The following EDDM13 variants were observed in gnomAD, a reference collection of about 807,000 sequenced individuals.
The protein encoded by EDDM13 is epididymal protein 13.
Under a neutral mutation model 17.8 loss-of-function variants are expected in EDDM13, and 24 were observed. The ratio of observed to expected loss-of-function variants is 1.35; its 90% CI spans 0.98 to 1.90. The LOEUF is 1.90. Among genes scored for constraint, EDDM13 ranks in the 40% most tolerant of loss-of-function variants. The pLI, the probability that EDDM13 is intolerant of heterozygous loss-of-function variation, is 0.00. For synonymous variants in EDDM13, 31 were observed against 37.5 expected (o/e 0.83, Z 0.63); for missense variants, 97 against 100.8 (o/e 0.96, Z 0.16).
chr19:56,273,797 A>G (rs1351365673), intron 1 of EDDM13, among the ~76,000 whole-genome samples: 1 of 152,112 alleles, frequency 6.6e-6, no homozygotes, highest in Non-Finnish European at 1.5e-5. Context: ...AAAATGTTGG[A>G]TGTTATCCTC....
chr19:56,309,544 T>A (rs1020546228), intron 14 of EDDM13, among the ~76,000 whole-genome samples: 1 of 152,230 alleles, frequency 6.6e-6, no homozygotes, highest in African/African-American at 2.4e-5. Flanking sequence ...GGAACACAGT[T>A]TGAGGGCCCC....
intron 13 of EDDM13, 72 bp from the exon 14 acceptor site, chr19:56,304,721 G>A: frequency 2.2e-6 from 2 of 902,244 alleles, no homozygotes; most frequent in Non-Finnish European, 2.7e-6. Context: ...AGAAAGGGAG[G>A]TAAGGAAGGA....
chr19:56,302,079 A>C lies in EDDM13; in HGVS notation c.407A>C (p.Tyr136Ser). Residue 136 changes from tyrosine (Y) to serine (S), a missense_variant, in exon 13 of 15, where the codon TAC becomes TCC. Transcript: ENST00000649256. ...GTGATGACCTACCTCTTCGTATCCT[A>C]CAACAAAGGGGACTGGGTAAGAAGA... ...YMVMTYLFVS[Y>S]NKGDWCYCHY... 8.1e-7 allele frequency: 1 copy of C among 1,231,822 alleles called. No individual in the cohort carries two copies. The highest frequency in any genetic ancestry group is 4.2e-5 in the Admixed American group (1 of 23,708). 76.3% of individuals were successfully genotyped at this position (1,231,822 alleles called of 1,614,324 possible). A position where few individuals can be genotyped will look rare whatever the true frequency, so the allele number is the denominator to read the frequency against.
chr19:56,284,080 A>C, intron 4 of EDDM13, 118 bp from the exon 5 acceptor site: 1 of 689,906 alleles, frequency 1.4e-6, no homozygotes, highest in South Asian at 6.5e-5. Context: ...CCAGCATCTG[A>C]CCTCGTTTTT....
intron 2 of EDDM13, among the ~76,000 whole-genome samples, chr19:56,278,206 C>A (rs1023077798): frequency 1.3e-5 from 2 of 151,998 alleles, no homozygotes; most frequent in Non-Finnish European, 2.9e-5. Flanking sequence ...GCCATGACAT[C>A]TGCCTCCTGG....
At chr19:56,278,359 C>T (rs2038424843) in intron 2 of EDDM13, among the ~76,000 whole-genome samples, 1 of 152,174 alleles carries the variant, frequency 6.6e-6, no homozygotes, top group African/African-American at 2.4e-5. Context: ...GTTTTGAACT[C>T]CTGACCTCAA....
In EDDM13 at chr19:56,282,482, T is replaced by C; in HGVS notation, c.110-9T>C. The C allele has an allele frequency of 6.1e-6, 6 of 985,408 alleles. No homozygotes were observed. Among genetic ancestry groups the C allele is most frequent in the Non-Finnish European group, 7.2e-6 (6 of 829,918 alleles). 61.0% of individuals were successfully genotyped at this position (985,408 alleles called of 1,614,324 possible). A position where few individuals can be genotyped will look rare whatever the true frequency, so the allele number is the denominator to read the frequency against. ...GGTCCTGTCCTTCCTGCTGCTTGTCTGCCAACAGTGCTGAAAGGTAAGCTT... is the reference window on the plus strand; with the variant it reads ...GGTCCTGTCCTTCCTGCTGCTTGTCCGCCAACAGTGCTGAAAGGTAAGCTT... On this transcript the variant is annotated splice_polypyrimidine_tract_variant and intron_variant, in intron 3 of 14. Transcript: ENST00000649256.
chr19:56,289,207 T>C lies in EDDM13; in HGVS notation c.226+316T>C, dbSNP rs138339719. On this transcript the variant is annotated intron_variant, in intron 8 of 14. Transcript: ENST00000649256. The stretch of plus-strand genomic sequence containing the variant: ...GGATGCTAAGGGTCTGAGAGCTGCA[T>C]TGGACAATTCCTAAATTTTAGTAAT... 1.5e-4 allele frequency among the ~76,000 whole-genome samples: 23 copies of C among 152,336 alleles called. No homozygotes were observed. In the Middle Eastern group the frequency reaches 0.017, roughly 113 times the overall value.
chr19:56,300,325 T>C (rs1398773214), intron 12 of EDDM13, among the ~76,000 whole-genome samples: 1 of 152,212 alleles, frequency 6.6e-6, no homozygotes, highest in Non-Finnish European at 1.5e-5. Context: ...GTTAAAGAAC[T>C]TGACAGCTCT....
intron 14 of EDDM13, among the ~76,000 whole-genome samples, chr19:56,309,202 A>G (rs2040880736): frequency 6.6e-6 from 1 of 152,236 alleles, no homozygotes; most frequent in Non-Finnish European, 1.5e-5. Context: ...CAGACACAAA[A>G]GATCACACAG....
chr19:56,303,929 C>T (rs1362263272), intron 13 of EDDM13, among the ~76,000 whole-genome samples: 1 of 152,176 alleles, frequency 6.6e-6, no homozygotes, highest in Non-Finnish European at 1.5e-5. Flanking sequence ...CAGGAACACA[C>T]TGAGTACCTT....
intron 9 of EDDM13, among the ~76,000 whole-genome samples, chr19:56,294,531 C>T (rs2039731403): frequency 6.6e-6 from 1 of 152,092 alleles, no homozygotes; most frequent in African/African-American, 2.4e-5. Context: ...TAGTAAACAT[C>T]TTAGGCTTTC....
At chr19:56,278,544 A>G (rs1411669212) in intron 2 of EDDM13, among the ~76,000 whole-genome samples, 1 of 152,266 alleles carries the variant, frequency 6.6e-6, no homozygotes, top group Non-Finnish European at 1.5e-5. Flanking sequence ...CCAGAGAGAC[A>G]GAACCATGAA....
chr19:56,302,612 C>CGT (rs2040402803), intron 13 of EDDM13, among the ~76,000 whole-genome samples: 1 of 123,798 alleles, frequency 8.1e-6, no homozygotes, highest in Non-Finnish European at 1.7e-5. Flanking sequence ...TCTTCCTCTC[C>CGT]CTCTTCCTCC....
intron 9 of EDDM13, among the ~76,000 whole-genome samples, chr19:56,291,065 G>C (rs150930413): frequency 6.6e-6 from 1 of 152,194 alleles, no homozygotes; most frequent in Non-Finnish European, 1.5e-5. Flanking sequence ...TCTGGGATAC[G>C]GTGGGTCTGG....
intron 13 of EDDM13, among the ~76,000 whole-genome samples, chr19:56,302,617 TCCTC>T (rs1357109603): frequency 2.9e-5 from 3 of 101,838 alleles, no homozygotes; most frequent in African/African-American, 8.0e-5. Context: ...CTCTCCCTCT[TCCTC>T]CCTCCCTCCT....
At chr19:56,276,485 T>C (rs2038264504) in intron 2 of EDDM13, among the ~76,000 whole-genome samples, 1 of 149,898 alleles carries the variant, frequency 6.7e-6, no homozygotes. Flanking sequence ...GCGAAAAAAA[T>C]TATTAAGGAT....
At chr19:56,306,140 G>A (rs1206103029) in intron 14 of EDDM13, among the ~76,000 whole-genome samples, 1 of 152,180 alleles carries the variant, frequency 6.6e-6, no homozygotes, top group Non-Finnish European at 1.5e-5. Context: ...CCAGTGACAT[G>A]AAGTGTAGAG....
intron 1 of EDDM13, among the ~76,000 whole-genome samples, chr19:56,275,611 T>C (rs1157694889): frequency 2.6e-5 from 4 of 152,214 alleles, no homozygotes; most frequent in Admixed American, 6.5e-5. Flanking sequence ...TAACAGATTA[T>C]TTTTTGATGG....
Sources: allele counts gnomAD v4.1 joint callset (sites outside exome capture counted in the v4.1 genomes callset), GRCh38; gene constraint gnomAD v4.1.1; transcripts MANE v1.5; gene names NCBI Gene and HGNC (gene_info 2026-07-23, HGNC 2026-07-21).